The following GBE1 variants were observed in gnomAD, a reference collection of about 807,000 sequenced individuals.
The protein encoded by GBE1 is 1,4-alpha-glucan-branching enzyme.
Under a neutral mutation model 88.8 loss-of-function variants are expected in GBE1, and 70 were observed. That is an observed-to-expected ratio of 0.79 (90% CI 0.65 to 0.96). GBE1 has a LOEUF of 0.96. Among genes scored for constraint, GBE1 ranks in the 40% least tolerant of loss-of-function variants. The probability of loss-of-function intolerance (pLI) is 0.00; values close to 1 mark genes in which losing one functional copy is unlikely to be tolerated. For synonymous variants in GBE1, 284 were observed against 300.1 expected, an observed-to-expected ratio of 0.95 and a Z score of 0.56; for missense variants, 872 against 871.0, an observed-to-expected ratio of 1.00 and a Z score of -0.01.
At chr3:81,749,005 C>CAAAAAAA (rs34051030) in intron 1 of GBE1, among the ~76,000 whole-genome samples, 2 of 108,044 alleles carry the variant, frequency 1.9e-5, no homozygotes, top group Admixed American at 9.6e-5. Flanking sequence ...GACTCTGTCT[C>CAAAAAAA]AAAAAAAAAA....
At chr3:81,534,179 G>A (rs776520191) in intron 14 of GBE1, among the ~76,000 whole-genome samples, 3 of 151,828 alleles carry the variant, frequency 2.0e-5, no homozygotes, top group Non-Finnish European at 4.4e-5. Flanking sequence ...TTGAAAAATT[G>A]TGCTGATTTA....
chr3:81,633,570 G>T (rs566034311), intron 7 of GBE1, among the ~76,000 whole-genome samples: 1 of 152,220 alleles, frequency 6.6e-6, no homozygotes, highest in South Asian at 2.1e-4. Flanking sequence ...TAATAAAGTT[G>T]TATTCTGCTT....
chr3:81,727,272 C>T (rs536830217), intron 1 of GBE1, among the ~76,000 whole-genome samples: 37 of 152,202 alleles, frequency 2.4e-4, no homozygotes, highest in South Asian at 1.9e-3. Flanking sequence ...AAGGGATCCA[C>T]GGATCTTATC....
At chr3:81,709,458 T>C (rs1479166472) in intron 1 of GBE1, among the ~76,000 whole-genome samples, 1 of 151,970 alleles carries the variant, frequency 6.6e-6, no homozygotes, top group Non-Finnish European at 1.5e-5. Flanking sequence ...AAACTGAACT[T>C]AGGGTAAAAA....
chr3:81,737,934 G>A (rs762219890), intron 1 of GBE1, among the ~76,000 whole-genome samples: 44 of 151,762 alleles, frequency 2.9e-4, no homozygotes, highest in Admixed American at 5.9e-4. Context: ...CCCAGAGTGT[G>A]ATGTTCCCCC....
chr3:81,524,344 A>G (rs1334511570), intron 14 of GBE1, among the ~76,000 whole-genome samples: 1 of 151,596 alleles, frequency 6.6e-6, no homozygotes, highest in East Asian at 1.9e-4. Context: ...AGATTATTAA[A>G]TTTTTTCCTA....
At chr3:81,585,832 T>C (rs1042764239) in intron 10 of GBE1, among the ~76,000 whole-genome samples, 1 of 152,222 alleles carries the variant, frequency 6.6e-6, no homozygotes, top group African/African-American at 2.4e-5. Context: ...GCATTGATAA[T>C]GCAAAATTCC....
intron 1 of GBE1, among the ~76,000 whole-genome samples, chr3:81,754,641 G>C (rs1706577613): frequency 6.6e-6 from 1 of 152,020 alleles, no homozygotes; most frequent in Non-Finnish European, 1.5e-5. Flanking sequence ...TAGACTAATG[G>C]AACAGAATGG....
chr3:81,683,954 A>G (rs148401265), intron 2 of GBE1, among the ~76,000 whole-genome samples: 185 of 152,328 alleles, frequency 1.2e-3, no homozygotes, highest in African/African-American at 4.2e-3. Context: ...GAGTCTTATT[A>G]TGATAGAAAT....
intron 1 of GBE1, among the ~76,000 whole-genome samples, chr3:81,708,960 C>T (rs1033265378): frequency 2.0e-5 from 3 of 152,132 alleles, no homozygotes; most frequent in African/African-American, 7.2e-5. Flanking sequence ...GCAGGTGTAA[C>T]AATTATGAGG....
intron 14 of GBE1, among the ~76,000 whole-genome samples, chr3:81,524,982 T>A (rs770191876): frequency 1.2e-4 from 18 of 151,894 alleles, no homozygotes; most frequent in Non-Finnish European, 2.4e-4. Context: ...TTAATTTCGT[T>A]CTTGACCTAG....
chr3:81,597,439 C>A (rs913061309), intron 7 of GBE1, among the ~76,000 whole-genome samples: 2 of 144,234 alleles, frequency 1.4e-5, no homozygotes, highest in African/African-American at 5.1e-5. Context: ...ATATATATAT[C>A]TCAAAAATAT....
intron 1 of GBE1, among the ~76,000 whole-genome samples, chr3:81,720,034 G>GAT (rs897154322): frequency 6.6e-6 from 1 of 151,924 alleles, no homozygotes; most frequent in Non-Finnish European, 1.5e-5. Context: ...AATCTCAGGA[G>GAT]ATATATATAT....
chr3:81,698,252 A>G (rs1401628030), intron 2 of GBE1, among the ~76,000 whole-genome samples: 3 of 151,874 alleles, frequency 2.0e-5, no homozygotes, highest in African/African-American at 7.2e-5. Flanking sequence ...AAGAGGGAGT[A>G]ATAAAGTACA....
chr3:81,637,411 C>T (rs1704606591), intron 7 of GBE1, among the ~76,000 whole-genome samples: 1 of 152,068 alleles, frequency 6.6e-6, no homozygotes. Context: ...AATGGGGGCG[C>T]CTACTGTTCT....
intron 3 of GBE1, among the ~76,000 whole-genome samples, chr3:81,655,756 G>C (rs1385296354): frequency 6.6e-6 from 1 of 152,138 alleles, no homozygotes; most frequent in Non-Finnish European, 1.5e-5. Flanking sequence ...CTGACCTCAG[G>C]TGATCCACAT....
At chr3:81,720,621 T>G (rs984158335) in intron 1 of GBE1, among the ~76,000 whole-genome samples, 1 of 152,180 alleles carries the variant, frequency 6.6e-6, no homozygotes, top group Non-Finnish European at 1.5e-5. Flanking sequence ...CTTGTAATGA[T>G]GTAATGTATG....
chr3:81,733,564 A>G lies in GBE1; in HGVS notation c.143+27811T>C, dbSNP rs772768453. On this transcript the variant is annotated intron_variant, in intron 1 of 15. Coordinates refer to ENST00000429644, the MANE Select transcript of GBE1 (RefSeq NM_000158.4). The surrounding 1 kb of genome is among the most constrained non-coding windows in gnomAD (Gnocchi z 4.0). Reference sequence around the variant, plus strand: ...GAGGCTTTTGCACTGGCCATTTCTTAGGTCTGGTACACTCTTCCACCAGAC... The same window carrying G: ...GAGGCTTTTGCACTGGCCATTTCTTGGGTCTGGTACACTCTTCCACCAGAC... Among the ~76,000 whole-genome samples, 86 of 152,128 alleles carry G rather than the reference A, an allele frequency of 5.7e-4. No individual in the cohort carries two copies. Among genetic ancestry groups the G allele is most frequent in the Non-Finnish European group, 1.2e-3 (79 of 67,978 alleles).
intron 3 of GBE1, among the ~76,000 whole-genome samples, chr3:81,664,292 G>C (rs1404757391): frequency 6.6e-6 from 1 of 151,950 alleles, no homozygotes; most frequent in East Asian, 1.9e-4. Context: ...CAGAAAGTTT[G>C]GAATCAAAAT....
Sources: gnomAD v4.1 joint callset for allele counts (sites outside exome capture counted in the v4.1 genomes callset) on GRCh38, gnomAD v4.1.1 for gene constraint, Gnocchi (gnomAD v3.1) non-coding constraint, MANE v1.5 for transcripts, NCBI Gene and HGNC (gene_info 2026-07-23, HGNC 2026-07-21) for gene names.